Variants in LUZP2 observed in about 807,000 individuals in gnomAD.
LUZP2 encodes leucine zipper protein 2.
LUZP2 carries 52 observed loss-of-function variants against 51.6 expected under a neutral mutation model. The ratio of observed to expected loss-of-function variants is 1.01; its 90% CI spans 0.81 to 1.27. LUZP2 has a LOEUF of 1.27. LUZP2 is among the 50% of genes most tolerant of loss of function. LUZP2 has a pLI of 0.00. For missense variants in LUZP2, 436 were observed against 395.4 expected, an observed-to-expected ratio of 1.10 and a Z score of -0.87; for synonymous variants, 154 against 137.3, an observed-to-expected ratio of 1.12 and a Z score of -0.85.
At chr11:24,843,762 G>A (rs952923656) in intron 5 of LUZP2, among the ~76,000 whole-genome samples, 1 of 152,054 alleles carries the variant, frequency 6.6e-6, no homozygotes, top group Admixed American at 6.6e-5. Context: ...TTATGGGGGC[G>A]GGTGTTTCCT....
At chr11:24,918,080 G>T (rs867852815) in intron 7 of LUZP2, among the ~76,000 whole-genome samples, 129 of 151,824 alleles carry the variant, frequency 8.5e-4, no homozygotes, top group African/African-American at 2.3e-3. Flanking sequence ...CCTAGGTATT[G>T]TATTCTCTTT....
chr11:24,803,734 A>G (rs1443680000), intron 5 of LUZP2, among the ~76,000 whole-genome samples: 13 of 152,156 alleles, frequency 8.5e-5, no homozygotes, highest in Non-Finnish European at 5.9e-5. Flanking sequence ...TTATGAAAAG[A>G]CAAATGTGGT....
chr11:24,679,132 C>T (rs1401574266), intron 1 of LUZP2, among the ~76,000 whole-genome samples: 1 of 152,068 alleles, frequency 6.6e-6, no homozygotes, highest in Non-Finnish European at 1.5e-5. Flanking sequence ...TCAGGTAGTT[C>T]CTTAAAGAAA....
chr11:24,823,336 C>T (rs956558589), intron 5 of LUZP2, among the ~76,000 whole-genome samples: 5 of 144,190 alleles, frequency 3.5e-5, no homozygotes, highest in African/African-American at 1.3e-4. Context: ...TTAGGAATGT[C>T]TTTGTGACTG....
intron 9 of LUZP2, among the ~76,000 whole-genome samples, chr11:25,020,096 A>T (rs1857287366): frequency 6.6e-6 from 1 of 152,040 alleles, no homozygotes; most frequent in Admixed American, 6.6e-5. Flanking sequence ...AATTTAACAT[A>T]TTTTCTAAAG....
intron 1 of LUZP2, among the ~76,000 whole-genome samples, chr11:24,562,258 G>A (rs1307477208): frequency 6.6e-6 from 1 of 152,004 alleles, no homozygotes; most frequent in Non-Finnish European, 1.5e-5. Flanking sequence ...AAGTTGGCAG[G>A]GCTTCCCTTA....
intron 9 of LUZP2, among the ~76,000 whole-genome samples, chr11:25,035,542 A>C (rs1857830030): frequency 6.6e-6 from 1 of 152,132 alleles, no homozygotes; most frequent in Non-Finnish European, 1.5e-5. Context: ...CAGGTATGAC[A>C]CAAATAAATT....
intron 10 of LUZP2, among the ~76,000 whole-genome samples, chr11:25,064,687 C>T (rs1233046785): frequency 6.6e-6 from 1 of 151,904 alleles, no homozygotes; most frequent in Admixed American, 6.6e-5. Flanking sequence ...TTAATATCAA[C>T]ATTTCCAGTT....
chr11:24,809,672 A>T (rs1257633990), intron 5 of LUZP2, among the ~76,000 whole-genome samples: 1 of 152,186 alleles, frequency 6.6e-6, no homozygotes, highest in Non-Finnish European at 1.5e-5. Context: ...AATTTAAAAA[A>T]ATGTTTTTAA....
chr11:24,710,407 T>A (rs1049687164), intron 1 of LUZP2, among the ~76,000 whole-genome samples: 1 of 152,108 alleles, frequency 6.6e-6, no homozygotes, highest in Non-Finnish European at 1.5e-5. Context: ...AAGCAGAAGA[T>A]TCATTTCACA....
Position 24,537,732 on chromosome 11 carries a change from A to AT in LUZP2, c.62+40433dup, listed in dbSNP as rs567354881. On this transcript the variant is annotated intron_variant, in intron 1 of 11. Coordinates refer to ENST00000336930, the MANE Select transcript of LUZP2 (RefSeq NM_001009909.4). ...AAACTAAAGTGAAAAGCCTTTTACAATTTTTTACGGATACCTTTTGCATAT... is the reference window on the plus strand; with the variant it reads ...AAACTAAAGTGAAAAGCCTTTTACAATTTTTTTACGGATACCTTTTGCATAT... Among the ~76,000 whole-genome samples the AT allele has an allele frequency of 9.6e-4, 146 of 151,946 alleles. 1 individual carries two copies. In the East Asian group the frequency reaches 0.024, roughly 25 times the overall value.
chr11:24,918,499 C>T (rs1042567692), intron 7 of LUZP2, among the ~76,000 whole-genome samples: 1 of 151,674 alleles, frequency 6.6e-6, no homozygotes, highest in Non-Finnish European at 1.5e-5. Context: ...AGGCCTTTGA[C>T]AAAATTCAAC....
At chr11:24,672,617 T>A (rs544625157) in intron 1 of LUZP2, among the ~76,000 whole-genome samples, 1 of 152,212 alleles carries the variant, frequency 6.6e-6, no homozygotes, top group East Asian at 1.9e-4. Context: ...CATTGAAATA[T>A]GGTCATGCAT....
chr11:24,621,683 A>G lies in LUZP2; in HGVS notation c.63-107486A>G, dbSNP rs73433087. ...TTATATTTTTCCTTAAGGTTTTGCT[A>G]TTTCAAGCATTTTATGATGCTCATT... On this transcript the variant is annotated intron_variant, in intron 1 of 11. Transcript: ENST00000336930. Among the ~76,000 whole-genome samples, 569 of 152,256 alleles carry G rather than the reference A, an allele frequency of 3.7e-3. 3 individuals carry two copies. Among genetic ancestry groups the G allele is most frequent in the African/African-American group, 0.013 (549 of 41,554 alleles).
chr11:24,633,518 T>C (rs1039641171), intron 1 of LUZP2, among the ~76,000 whole-genome samples: 33 of 151,978 alleles, frequency 2.2e-4, no homozygotes, highest in Admixed American at 9.8e-4. Flanking sequence ...TGGAAAAAAA[T>C]GATGTGTTCT....
chr11:24,994,612 T>C (rs1856443579), intron 9 of LUZP2, among the ~76,000 whole-genome samples: 1 of 152,182 alleles, frequency 6.6e-6, no homozygotes, highest in African/African-American at 2.4e-5. Context: ...TTCTTGGTCA[T>C]TGCATTTTTC....
chr11:25,007,849 A>C, intron 9 of LUZP2, among the ~76,000 whole-genome samples: 1 of 152,304 alleles, frequency 6.6e-6, no homozygotes, highest in Non-Finnish European at 1.5e-5. Context: ...TTGCTGTGAA[A>C]TATTTAAAAA....
At chr11:24,551,969 C>T (rs929335678) in intron 1 of LUZP2, among the ~76,000 whole-genome samples, 4 of 151,776 alleles carry the variant, frequency 2.6e-5, no homozygotes, top group Non-Finnish European at 5.9e-5. Flanking sequence ...AAAACTCAGG[C>T]AACAGGCCCA....
chr11:24,917,076 G>T (rs1448748006), intron 7 of LUZP2, among the ~76,000 whole-genome samples: 1 of 152,134 alleles, frequency 6.6e-6, no homozygotes, highest in Non-Finnish European at 1.5e-5. Context: ...GCATTTCTCT[G>T]ATGGCCAGTG....
Sources: gnomAD v4.1 joint callset for allele counts (sites outside exome capture counted in the v4.1 genomes callset) on GRCh38, gnomAD v4.1.1 for gene constraint, MANE v1.5 for transcripts, NCBI Gene and HGNC (gene_info 2026-07-23, HGNC 2026-07-21) for gene names.